ALPK1: variants seen among roughly 807,000 people sequenced by gnomAD.
ALPK1 encodes the protein alpha-protein kinase 1.
Under a neutral mutation model 120.6 loss-of-function variants are expected in ALPK1, and 110 were observed. The observed-to-expected ratio is 0.91, with a 90% CI of 0.78 to 1.07. The LOEUF is 1.07. ALPK1 is among the 50% of genes least tolerant of loss of function. The pLI is 0.00. For missense variants in ALPK1, 1,498 were observed against 1,483.9 expected, an observed-to-expected ratio of 1.01 and a Z score of -0.16; for synonymous variants, 582 against 560.3, an observed-to-expected ratio of 1.04 and a Z score of -0.55.
intron 1 of ALPK1, among the ~76,000 whole-genome samples, chr4:112,300,936 A>T (rs992775179): frequency 6.6e-6 from 1 of 152,182 alleles, no homozygotes; most frequent in African/African-American, 2.4e-5. Flanking sequence ...ACCCCAGCAC[A>T]TCTGGTTACT....
rs906440713 is a variant in ALPK1 at position 112,336,031 on chromosome 4, G to A, written c.-101+20179G>A. 4.0e-5 allele frequency among the ~76,000 whole-genome samples: 6 copies of A among 151,036 alleles called. No homozygotes were observed. In the East Asian group the frequency reaches 1.2e-3, roughly 29 times the overall value. On this transcript the variant is annotated intron_variant, in intron 2 of 15. Transcript: ENST00000650871. ...CCAACCAACCAACCAACCAATCCAT[G>A]CCCTTGGCTGGAGTCTACCTCTCAA...
rs1731728190 is a variant in ALPK1, at chr4:112,377,706, T to C, written c.-72T>C. 2 of 1,406,150 alleles carry C rather than the reference T, an allele frequency of 1.4e-6. No individual in the cohort carries two copies. Among genetic ancestry groups the C allele is most frequent in the African/African-American group, 1.4e-5 (1 of 69,182 alleles). The allele number at this position is 1,406,150 out of a possible 1,614,324, so 87.1% of individuals were successfully genotyped here. A position where few individuals can be genotyped will look rare whatever the true frequency, so the allele number is the denominator to read the frequency against. ...CTTCGGCCTTCAAGGGGCTCCTTTA[T>C]TGAGAATCAATGTCTTCTCCTAGGT... On this transcript the variant is annotated 5_prime_UTR_variant, in exon 3 of 16. Transcript: ENST00000650871.
chr4:112,353,517 C>CT (rs1730457356), intron 2 of ALPK1, among the ~76,000 whole-genome samples: 1 of 152,158 alleles, frequency 6.6e-6, no homozygotes, highest in Admixed American at 6.5e-5. Flanking sequence ...CTTGGAGTAA[C>CT]TAACACTGAC....
chr4:112,419,363 A>G (rs906810083), intron 5 of ALPK1, among the ~76,000 whole-genome samples: 1 of 152,358 alleles, frequency 6.6e-6, no homozygotes, highest in Admixed American at 6.5e-5. Flanking sequence ...GGATAGTTAT[A>G]AAGATGATCA....
chr4:112,318,411 T>G (rs1334816007), intron 2 of ALPK1, among the ~76,000 whole-genome samples: 1 of 152,238 alleles, frequency 6.6e-6, no homozygotes, highest in African/African-American at 2.4e-5. Flanking sequence ...GCTGAGCTAC[T>G]TATTGAAGGT....
intron 11 of ALPK1, among the ~76,000 whole-genome samples, chr4:112,432,804 G>A (rs759997352): frequency 6.6e-6 from 1 of 152,168 alleles, no homozygotes; most frequent in African/African-American, 2.4e-5. Flanking sequence ...CATGCTGGAG[G>A]TTTGCTCTAA....
chr4:112,350,046 A>G (rs1730284081), intron 2 of ALPK1, among the ~76,000 whole-genome samples: 1 of 152,206 alleles, frequency 6.6e-6, no homozygotes, highest in Non-Finnish European at 1.5e-5. Context: ...AAATCTAGGA[A>G]GCCTCACTGC....
chr4:112,424,785 G>T (rs756770178), intron 6 of ALPK1, among the ~76,000 whole-genome samples: 1 of 152,052 alleles, frequency 6.6e-6, no homozygotes, highest in African/African-American at 2.4e-5. Context: ...ACACACACAC[G>T]CACGCACACA....
rs780691793 is a variant in ALPK1, at chr4:112,438,563, C to T, written c.3268C>T (p.His1090Tyr). Residue 1090 changes from histidine (H) to tyrosine (Y), a missense_variant, in exon 13 of 16, where the codon CAC (histidine) becomes TAC (tyrosine). His to Tyr is a moderately conservative substitution (Grantham distance 83). Transcript: ENST00000650871. The part of the protein sequence containing the change: ...TDVERQMTAQ[H>Y]YVTEFNKRLY... ...TGTGGAGCGACAGATGACCGCACAG[C>T]ACTATGTGACAGAATTTAACAAGAG... 5.6e-6 allele frequency: 9 copies of T among 1,613,754 alleles called. No individual in the cohort carries two copies. In the South Asian group the frequency reaches 7.7e-5, roughly 14 times the overall value.
Position 112,425,703 on chromosome 4 carries a change from G to A in ALPK1, c.574G>A (p.Val192Met), listed in dbSNP as rs544012199. ...LYRNESDKVLVQSVCIQIRGQ... is the reference protein window; with the variant it reads ...LYRNESDKVLMQSVCIQIRGQ... ...CAGAAATGAAAGTGACAAGGTCCTG[G>A]TGCAGTCGGTCTGTATACAGATCAG... is the stretch of plus-strand genomic sequence containing the variant. The change falls in exon 7 of 16, where the codon GTG (valine) becomes ATG (methionine). Residue 192 changes from valine to methionine, a missense_variant. Physicochemically the swap from Val to Met is conservative, Grantham distance 21. Coordinates refer to ENST00000650871, the MANE Select transcript of ALPK1 (RefSeq NM_025144.4). The A allele has an allele frequency of 1.2e-6, 2 of 1,613,122 alleles. No homozygotes were observed. Among genetic ancestry groups the A allele is most frequent in the Admixed American group, 1.7e-5 (1 of 59,982 alleles).
intron 2 of ALPK1, chr4:112,357,410 C>T: frequency 1.4e-6 from 1 of 692,764 alleles, no homozygotes; most frequent in South Asian, 1.7e-5. Context: ...TGATGCCAGT[C>T]ACCAGAGGGT....
At chr4:112,359,345 C>T (rs544803111) in intron 2 of ALPK1, 2 of 393,902 alleles carry the variant, frequency 5.1e-6, no homozygotes, top group South Asian at 2.7e-5. Flanking sequence ...TGACAGCCTA[C>T]AAGCAGGATG....
At chr4:112,339,612 C>T (rs1262038839) in intron 2 of ALPK1, among the ~76,000 whole-genome samples, 1 of 152,098 alleles carries the variant, frequency 6.6e-6, no homozygotes, top group Non-Finnish European at 1.5e-5. Context: ...TTTGTTTTAA[C>T]TAAAAAAATA....
At chr4:112,320,510 TTTG>T (rs1728820482) in intron 2 of ALPK1, among the ~76,000 whole-genome samples, 1 of 152,222 alleles carries the variant, frequency 6.6e-6, no homozygotes. Context: ...GTTTTCTTTT[TTTG>T]TTATGTCCTT....
At chr4:112,362,031 G>A (rs1435747493) in intron 2 of ALPK1, among the ~76,000 whole-genome samples, 2 of 152,208 alleles carry the variant, frequency 1.3e-5, no homozygotes, top group African/African-American at 4.8e-5. Context: ...CATTCCTAGG[G>A]GAAGGGGGAG....
intron 8 of ALPK1, among the ~76,000 whole-genome samples, chr4:112,426,967 C>G (rs1323254530): frequency 6.6e-6 from 1 of 152,204 alleles, no homozygotes; most frequent in Non-Finnish European, 1.5e-5. Context: ...GGAAGGTCAT[C>G]TGCCTTCCTA....
At chr4:112,404,479 T>C (rs1311816637) in intron 4 of ALPK1, among the ~76,000 whole-genome samples, 1 of 152,258 alleles carries the variant, frequency 6.6e-6, no homozygotes, top group Non-Finnish European at 1.5e-5. Context: ...AGCAGTTAAG[T>C]AACTTGCCGT....
At chr4:112,401,489 G>T (rs1410643679) in intron 4 of ALPK1, among the ~76,000 whole-genome samples, 1 of 152,206 alleles carries the variant, frequency 6.6e-6, no homozygotes, top group Non-Finnish European at 1.5e-5. Context: ...GACCAACCAT[G>T]AGAGTAGGTG....
intron 4 of ALPK1, among the ~76,000 whole-genome samples, chr4:112,387,721 T>A (rs1439714605): frequency 1.3e-5 from 2 of 152,204 alleles, no homozygotes; most frequent in Admixed American, 6.5e-5. Flanking sequence ...TTCTTTATGC[T>A]ATTTTGTGGA....
Sources: gnomAD v4.1 joint callset for allele counts (sites outside exome capture counted in the v4.1 genomes callset) on GRCh38, gnomAD v4.1.1 for gene constraint, MANE v1.5 for transcripts, NCBI Gene and HGNC (gene_info 2026-07-23, HGNC 2026-07-21) for gene names.